Variants in ZFHX3 observed in about 807,000 individuals in gnomAD.
The protein encoded by ZFHX3 is zinc finger homeobox 3, also known as zinc finger homeobox protein 3.
ZFHX3 carries 42 observed loss-of-function variants against 279.1 expected under a neutral mutation model. That is an observed-to-expected ratio of 0.15 (90% CI 0.12 to 0.19). The LOEUF (loss-of-function observed/expected upper bound fraction) is 0.19, where lower values mean the gene tolerates loss of function less well. Among genes scored for constraint, ZFHX3 ranks in the 10% least tolerant of loss-of-function variants. ZFHX3 has a pLI of 1.00. For missense variants in ZFHX3, 4,981 were observed against 4,754.0 expected (o/e 1.05, Z -1.40); for synonymous variants, 2,293 against 1,957.8 (o/e 1.17, Z -4.52).
At chr16:72,849,082 G>A (rs954430889) in intron 4 of ZFHX3, among the ~76,000 whole-genome samples, 5 of 152,050 alleles carry the variant, frequency 3.3e-5, no homozygotes, top group African/African-American at 7.3e-5. Context: ...GGTGGGGGAT[G>A]TTAATTACTT....
At chr16:73,611,180 C>A (rs568559533) in intron 2 of ZFHX3, among the ~76,000 whole-genome samples, 1 of 152,174 alleles carries the variant, frequency 6.6e-6, no homozygotes, top group Non-Finnish European at 1.5e-5. Flanking sequence ...TGATGACTGT[C>A]CACAAGCTTC....
chr16:73,171,180 T>G (rs763969886), intron 5 of ZFHX3, among the ~76,000 whole-genome samples: 1 of 152,102 alleles, frequency 6.6e-6, no homozygotes, highest in Non-Finnish European at 1.5e-5. Context: ...AAAAAAGCCC[T>G]TTTTAAAAAG....
chr16:73,844,089 G>C (rs964359774), intron 1 of ZFHX3, among the ~76,000 whole-genome samples: 8 of 152,118 alleles, frequency 5.3e-5, no homozygotes, highest in Non-Finnish European at 8.8e-5. Context: ...ATATTACCTG[G>C]TGCAGTTCTA....
chr16:72,797,990 G>A lies in ZFHX3; in HGVS notation c.4692C>T (p.Tyr1564=), dbSNP rs1296983280. 9 of 1,614,116 alleles carry A rather than the reference G, an allele frequency of 5.6e-6. No individual in the cohort carries two copies. The highest frequency in any genetic ancestry group is 1.7e-5 in the Admixed American group (1 of 60,014). The part of the protein sequence containing the change: ...FTQKNILLVH[Y]NSVSHLHKLK... ...ACTTATGCAGGTGGGAGACAGAATT[G>A]TAGTGTACTAGCAGGATATTCTTTT... is the stretch of plus-strand genomic sequence containing the variant. Residue 1564 remains tyrosine, a synonymous_variant, in exon 9 of 10, where the codon TAC becomes TAT. Coordinates refer to ENST00000268489, the MANE Select transcript of ZFHX3 (RefSeq NM_006885.4).
intron 7 of ZFHX3, among the ~76,000 whole-genome samples, chr16:73,096,806 G>T (rs1346037892): frequency 1.3e-5 from 2 of 152,096 alleles, no homozygotes; most frequent in Non-Finnish European, 2.9e-5. Context: ...CAAGGCAGAA[G>T]TATGCCCGGG....
At chr16:73,687,882 CTATTAA>C (rs1419347491) in intron 1 of ZFHX3, among the ~76,000 whole-genome samples, 3 of 148,694 alleles carry the variant, frequency 2.0e-5, no homozygotes, top group South Asian at 2.1e-4. Context: ...GATTTAGTAG[CTATTAA>C]TATTGACAGT....
rs141517228 is a variant in ZFHX3 at position 73,554,776 on chromosome 16, T to C, written c.-1546-98518A>G. 1.6e-3 allele frequency: 250 copies of C among 152,284 alleles called. 3 individuals are homozygous for C. Among genetic ancestry groups the C allele is most frequent in the African/African-American group, 5.7e-3 (236 of 41,558 alleles). The allele number at this position is 152,284 out of a possible 1,614,324, so 9.4% of individuals were successfully genotyped here. ...CTTCTGCTACTCGGTGTCCCTGCAG[T>C]TGCCAGCCTCCCAGGGACTCTGCTC... On this transcript the variant is annotated intron_variant, in intron 2 of 17. Transcript: ENST00000641206.
At chr16:73,504,493 G>A (rs1302631074) in intron 2 of ZFHX3, 2 of 152,060 alleles carry the variant, frequency 1.3e-5, no homozygotes, top group Non-Finnish European at 2.9e-5. Context: ...GCAAAAACAT[G>A]GTAGCTTAAA....
chr16:72,891,178 G>C (rs1481196102), intron 3 of ZFHX3, among the ~76,000 whole-genome samples: 1 of 152,166 alleles, frequency 6.6e-6, no homozygotes, highest in Non-Finnish European at 1.5e-5. Flanking sequence ...AAGTCCCCTG[G>C]CTTATCATTG....
At chr16:72,995,923 T>A (rs958382361) in intron 1 of ZFHX3, among the ~76,000 whole-genome samples, 1 of 152,198 alleles carries the variant, frequency 6.6e-6, no homozygotes, top group Admixed American at 6.5e-5. Flanking sequence ...TTTCTCGATG[T>A]TCTGCTCAGG....
intron 7 of ZFHX3, among the ~76,000 whole-genome samples, chr16:73,100,729 C>T (rs1966220643): frequency 6.6e-6 from 1 of 152,076 alleles, no homozygotes; most frequent in African/African-American, 2.4e-5. Flanking sequence ...TCCCGAGTAG[C>T]TGGGATTACA....
At chr16:73,477,681 A>G (rs1298281751) in intron 2 of ZFHX3, among the ~76,000 whole-genome samples, 1 of 152,226 alleles carries the variant, frequency 6.6e-6, no homozygotes, top group African/African-American at 2.4e-5. Flanking sequence ...GTAGGGCAGC[A>G]GCAGTCACTT....
At chr16:73,460,473 C>A (rs777797176) in intron 2 of ZFHX3, among the ~76,000 whole-genome samples, 1 of 152,126 alleles carries the variant, frequency 6.6e-6, no homozygotes, top group Non-Finnish European at 1.5e-5. Flanking sequence ...CATAAATGAT[C>A]TTTGTGGTAT....
chr16:73,282,130 G>T (rs2014472711), intron 4 of ZFHX3, among the ~76,000 whole-genome samples: 1 of 152,210 alleles, frequency 6.6e-6, no homozygotes, highest in Non-Finnish European at 1.5e-5. Flanking sequence ...AGTTAACACA[G>T]TTTTCCCTTT....
upstream of ZFHX3, chr16:73,891,900 G>A (rs2030551409): frequency 6.6e-6 from 1 of 152,174 alleles, no homozygotes; most frequent in Admixed American, 6.5e-5. Flanking sequence ...AAGAAAGGAG[G>A]AGGGTCACAG....
chr16:73,289,201 A>G (rs1674439723), intron 4 of ZFHX3, among the ~76,000 whole-genome samples: 1 of 151,490 alleles, frequency 6.6e-6, no homozygotes, highest in South Asian at 2.1e-4. Context: ...GTGGCTGGGG[A>G]GGAAAATGCC....
In ZFHX3 at chr16:72,950,960, C is replaced by G. The variant is rs756019082; in HGVS notation, c.2725G>C (p.Gly909Arg). 1 of 1,611,226 alleles carries G rather than the reference C, an allele frequency of 6.2e-7. No individual in the cohort carries two copies. The highest frequency in any genetic ancestry group is 1.7e-5 in the Admixed American group (1 of 59,970). The stretch of plus-strand genomic sequence containing the variant: ...AGCCGCATGTCTAGGGGGATCTCAC[C>G]GCCCACTGCAGGGAAGGAGAGAAGG... ...MAAMTPALVG[G>R]EIPLDMRLGG... Residue 909 changes from glycine to arginine, a missense_variant, in exon 3 of 10, where the codon GGT (glycine) becomes CGT (arginine). Gly to Arg is a moderately radical substitution (Grantham distance 125). Transcript: ENST00000268489.
chr16:72,818,941 T>C (rs900419926), intron 5 of ZFHX3, among the ~76,000 whole-genome samples: 3 of 152,328 alleles, frequency 2.0e-5, no homozygotes, highest in African/African-American at 7.2e-5. Context: ...ATACTACACA[T>C]AGGTATAAGA....
chr16:73,763,051 T>C (rs981335084), intron 1 of ZFHX3, among the ~76,000 whole-genome samples: 1 of 152,134 alleles, frequency 6.6e-6, no homozygotes, highest in Non-Finnish European at 1.5e-5. Context: ...ACTAATGTAT[T>C]GTAATAAAAT....
Sources: gnomAD v4.1 joint callset for allele counts (sites outside exome capture counted in the v4.1 genomes callset) on GRCh38, gnomAD v4.1.1 for gene constraint, MANE v1.5 for transcripts, NCBI Gene and HGNC (gene_info 2026-07-23, HGNC 2026-07-21) for gene names.